Variants in AACS observed in about 807,000 individuals in gnomAD.
AACS encodes the protein acetoacetyl-CoA synthetase.
In AACS, 69 loss-of-function variants were observed where a neutral mutation model predicts 83.1. That is an observed-to-expected ratio of 0.83 (90% CI 0.68 to 1.01). The LOEUF (loss-of-function observed/expected upper bound fraction) is 1.01. AACS is among the 50% of genes least tolerant of loss of function. The pLI is 0.00. For missense variants in AACS, 866 were observed against 882.2 expected (o/e 0.98, Z 0.23); for synonymous variants, 333 against 343.4 (o/e 0.97, Z 0.33).
intron 17 of AACS, among the ~76,000 whole-genome samples, chr12:125,137,067 T>C (rs1330878114): frequency 6.6e-6 from 1 of 152,254 alleles, no homozygotes; most frequent in Non-Finnish European, 1.5e-5. Flanking sequence ...AATACCCATG[T>C]TCAGAGGGTT....
At chr12:125,066,248 C>G (rs574065390) in intron 1 of AACS, among the ~76,000 whole-genome samples, 11 of 152,088 alleles carry the variant, frequency 7.2e-5, no homozygotes, top group African/African-American at 2.7e-4. Flanking sequence ...GTCTACACTC[C>G]CAGCCCCCAA....
At position 125,129,794 on chromosome 12, in the gene AACS, G is replaced by T. The variant is rs1360934416; in HGVS notation, c.1549+334G>T. Among the ~76,000 whole-genome samples the T allele has an allele frequency of 1.3e-5, 2 of 152,172 alleles. No individual in the cohort carries two copies. Among genetic ancestry groups the T allele is most frequent in the African/African-American group, 4.8e-5 (2 of 41,446 alleles). ...GGTGGAGGGTGTGGGGCTGAAACAG[G>T]GTGATGCCTGCCTGTTCACGAGGAG... On this transcript the variant is annotated intron_variant, in intron 14 of 17. Transcript: ENST00000316519. The surrounding 1 kb of genome is among the most constrained non-coding windows in gnomAD (Gnocchi z 4.3).
At chr12:125,117,520 G>A (rs953544193) in intron 9 of AACS, 1 of 152,220 alleles carries the variant, frequency 6.6e-6, no homozygotes. Context: ...CCTCCAAAAT[G>A]CTAGGATGAC....
At chr12:125,115,479 C>T (rs1957038267) in intron 9 of AACS, among the ~76,000 whole-genome samples, 1 of 152,170 alleles carries the variant, frequency 6.6e-6, no homozygotes, top group African/African-American at 2.4e-5. Flanking sequence ...GCAGGCTGGT[C>T]TTGAACTCCT....
Position 125,075,654 on chromosome 12 carries a change from C to T in AACS, c.238-837C>T, listed in dbSNP as rs576323593. The stretch of plus-strand genomic sequence containing the variant: ...TGTCCCCCAGGCTGGAGTGCAGTGG[C>T]GTGATCTTGGCTCACTGCAAGCTCC... On this transcript the variant is annotated intron_variant, in intron 2 of 17. Coordinates refer to ENST00000316519, the MANE Select transcript of AACS (RefSeq NM_023928.5). Among the ~76,000 whole-genome samples, 192 of 142,030 alleles carry T rather than the reference C, an allele frequency of 1.4e-3. 2 individuals are homozygous for T. Among genetic ancestry groups the T allele is most frequent in the African/African-American group, 4.7e-3 (178 of 37,610 alleles). The allele number at this position is 142,030 out of a possible 152,430, so 93.2% of individuals were successfully genotyped here.
At chr12:125,119,270 T>C (rs1957112892) in intron 10 of AACS, among the ~76,000 whole-genome samples, 1 of 152,150 alleles carries the variant, frequency 6.6e-6, no homozygotes, top group African/African-American at 2.4e-5. Context: ...AGTACGGCGT[T>C]GTCAGCTGCA....
chr12:125,109,698 C>T (rs529910540), intron 8 of AACS, among the ~76,000 whole-genome samples: 2 of 152,326 alleles, frequency 1.3e-5, no homozygotes, highest in East Asian at 1.9e-4. Flanking sequence ...TCCCCAGTAG[C>T]GTCCTAGCAG....
At chr12:125,138,682 G>A (rs1460996534) in intron 17 of AACS, 1 of 152,136 alleles carries the variant, frequency 6.6e-6, no homozygotes, top group Non-Finnish European at 1.5e-5. Flanking sequence ...TTGCGTCCAG[G>A]GCACCCAGCT....
chr12:125,115,874 C>T (rs1957044334), intron 9 of AACS, among the ~76,000 whole-genome samples: 1 of 151,854 alleles, frequency 6.6e-6, no homozygotes, highest in Admixed American at 6.6e-5. Flanking sequence ...CAGAAAGGGT[C>T]AGACCCCTGA....
intron 8 of AACS, among the ~76,000 whole-genome samples, chr12:125,111,117 T>C (rs987832587): frequency 9.8e-5 from 15 of 152,326 alleles, no homozygotes; most frequent in African/African-American, 3.4e-4. Context: ...GAGTTGCCTC[T>C]TTGCAGGCAG....
intron 3 of AACS, among the ~76,000 whole-genome samples, chr12:125,082,038 G>C (rs969989865): frequency 6.6e-6 from 1 of 151,944 alleles, no homozygotes; most frequent in Non-Finnish European, 1.5e-5. Context: ...AGCATGCCCA[G>C]CTAATTTTTG....
At chr12:125,119,094 T>C (rs965120197) in intron 10 of AACS, among the ~76,000 whole-genome samples, 1 of 152,194 alleles carries the variant, frequency 6.6e-6, no homozygotes, top group Non-Finnish European at 1.5e-5. Flanking sequence ...ATGGTATGTA[T>C]CGTAAGGCAC....
At chr12:125,138,480 C>T (rs1266492795) in intron 17 of AACS, 2 of 152,182 alleles carry the variant, frequency 1.3e-5, no homozygotes, top group Admixed American at 1.3e-4. Context: ...GCTGTCTTAT[C>T]TGGAACATTT....
intron 16 of AACS, 24 bp downstream of exon 16, chr12:125,134,876 GTTCTCCA>G (rs1336545388): frequency 6.2e-7 from 1 of 1,613,690 alleles, no homozygotes; most frequent in Non-Finnish European, 8.5e-7. Context: ...CTCCCTGAGC[GTTCTCCA>G]GTCTCCAGGA....
At chr12:125,084,369 C>G (rs975137179) in intron 3 of AACS, among the ~76,000 whole-genome samples, 1 of 151,400 alleles carries the variant, frequency 6.6e-6, no homozygotes, top group Non-Finnish European at 1.5e-5. Context: ...CTCCCTCCCT[C>G]CCTCACTTCC....
chr12:125,091,144 G>A (rs916466145), intron 4 of AACS: 2 of 463,260 alleles, frequency 4.3e-6, no homozygotes, highest in Admixed American at 6.7e-5. Context: ...TCGGAAGAAG[G>A]CTGCTGTGAC....
intron 8 of AACS, among the ~76,000 whole-genome samples, chr12:125,107,847 G>C (rs1031758111): frequency 6.6e-6 from 1 of 152,134 alleles, no homozygotes; most frequent in African/African-American, 2.4e-5. Flanking sequence ...CCTGTAGTCT[G>C]AGCTACTCGG....
rs1444464159 is a variant in AACS at position 125,142,184 on chromosome 12, G to T, written c.1974G>T (p.Glu658Asp). Reference sequence around the variant, plus strand: ...AAGGAGGTGCTTTCTCGAACCCCGAGACCCTGGATCTGTACCGGGACATCC... The same window carrying T: ...AAGGAGGTGCTTTCTCGAACCCCGATACCCTGGATCTGTACCGGGACATCC... ...VEQGGAFSNP[E>D]TLDLYRDIPE... The change falls in exon 18 of 18, where the codon GAG (glutamate) becomes GAT (aspartate). Residue 658 changes from glutamate (E) to aspartate (D), a missense_variant. Physicochemically the swap from Glu to Asp is conservative, Grantham distance 45. Coordinates refer to ENST00000316519, the MANE Select transcript of AACS (RefSeq NM_023928.5). 1.9e-6 allele frequency: 3 copies of T among 1,614,194 alleles called. No homozygotes were observed. The highest frequency in any genetic ancestry group is 2.5e-6 in the Non-Finnish European group (3 of 1,180,038).
At chr12:125,075,132 G>A (rs545940747) in intron 2 of AACS, among the ~76,000 whole-genome samples, 135 of 151,520 alleles carry the variant, frequency 8.9e-4, no homozygotes, top group African/African-American at 3.0e-3. Context: ...GCGCCACCAC[G>A]CCCAGCCAAT....
Sources: allele counts gnomAD v4.1 joint callset (sites outside exome capture counted in the v4.1 genomes callset), GRCh38; gene constraint gnomAD v4.1.1; non-coding constraint Gnocchi (gnomAD v3.1); transcripts MANE v1.5; gene names NCBI Gene and HGNC (gene_info 2026-07-23, HGNC 2026-07-21).